CMC1: variants seen among roughly 807,000 people sequenced by gnomAD.
CMC1 encodes the protein COX assembly mitochondrial protein homolog.
A neutral mutation model predicts 14.1 loss-of-function variants in CMC1; 14 were observed. The ratio of observed to expected loss-of-function variants is 0.99; its 90% CI spans 0.66 to 1.55. The LOEUF (loss-of-function observed/expected upper bound fraction) is 1.55. Ranked by LOEUF, CMC1 falls within the 40% of genes most tolerant of loss-of-function variation. The pLI is 0.00. For synonymous variants in CMC1, 50 were observed against 38.4 expected, an observed-to-expected ratio of 1.30 and a Z score of -1.12; for missense variants, 127 against 123.8, an observed-to-expected ratio of 1.03 and a Z score of -0.12.
intron 2 of CMC1, among the ~76,000 whole-genome samples, chr3:28,295,293 T>G (rs1287484677): frequency 1.3e-5 from 2 of 152,166 alleles, no homozygotes; most frequent in African/African-American, 4.8e-5. Context: ...ACCTTACCCA[T>G]GTTGTGTTTA....
intron 2 of CMC1, among the ~76,000 whole-genome samples, chr3:28,265,754 G>T (rs929977863): frequency 3.9e-5 from 6 of 152,136 alleles, no homozygotes; most frequent in African/African-American, 1.4e-4. Context: ...AAAGAAAGAT[G>T]CCTCATTATA....
intron 1 of CMC1, among the ~76,000 whole-genome samples, chr3:28,260,100 A>G (rs1034258056): frequency 3.3e-5 from 5 of 152,112 alleles, no homozygotes; most frequent in East Asian, 3.9e-4. Flanking sequence ...GACTGTTAAT[A>G]TATCTCATGG....
chr3:28,286,605 A>G (rs944577543), intron 2 of CMC1, among the ~76,000 whole-genome samples: 13 of 152,218 alleles, frequency 8.5e-5, no homozygotes, highest in African/African-American at 2.7e-4. Context: ...GATTGCTGTT[A>G]AAGAATGTAT....
chr3:28,260,943 G>A (rs962524136), intron 1 of CMC1, among the ~76,000 whole-genome samples: 2 of 152,126 alleles, frequency 1.3e-5, no homozygotes, highest in Non-Finnish European at 2.9e-5. Flanking sequence ...ATTGGTGTCA[G>A]GGAACATAGT....
intron 1 of CMC1, among the ~76,000 whole-genome samples, chr3:28,245,947 A>T (rs540117514): frequency 4.6e-5 from 7 of 152,136 alleles, no homozygotes; most frequent in South Asian, 4.1e-4. Context: ...GATTAGAAAA[A>T]TTTTTTATTT....
Position 28,241,793 on chromosome 3 carries a change from G to C in CMC1, c.-1G>C. The C allele has an allele frequency of 8.1e-7, 1 of 1,240,726 alleles. No individual in the cohort carries two copies. The highest frequency in any genetic ancestry group is 4.1e-5 in the South Asian group (1 of 24,418). The allele number at this position is 1,240,726 out of a possible 1,614,324, so 76.9% of individuals were successfully genotyped here. Reference sequence around the variant, plus strand: ...GGCTACGTTCTTCTCGGCCCGCCGAGATGGCGCTCGACCCCGCAGGTACCG... The same window carrying C: ...GGCTACGTTCTTCTCGGCCCGCCGACATGGCGCTCGACCCCGCAGGTACCG... On this transcript the variant is annotated 5_prime_UTR_variant, in exon 1 of 4. Coordinates refer to ENST00000466830, the MANE Select transcript of CMC1 (RefSeq NM_182523.2).
intron 2 of CMC1, among the ~76,000 whole-genome samples, chr3:28,291,649 C>G (rs1471669859): frequency 1.3e-5 from 2 of 152,002 alleles, no homozygotes; most frequent in African/African-American, 4.8e-5. Context: ...TGCAGAGTTG[C>G]CTTGCTGTTT....
At chr3:28,269,875 T>A (rs1430202445) in intron 2 of CMC1, among the ~76,000 whole-genome samples, 1 of 152,218 alleles carries the variant, frequency 6.6e-6, no homozygotes, top group Non-Finnish European at 1.5e-5. Flanking sequence ...AATCCATACC[T>A]AAGTATTAAG....
At chr3:28,312,359 A>C (rs1702679629) in intron 2 of CMC1, among the ~76,000 whole-genome samples, 1 of 152,180 alleles carries the variant, frequency 6.6e-6, no homozygotes, top group African/African-American at 2.4e-5. Flanking sequence ...GAAATGAAAT[A>C]ATGGGGATTA....
chr3:28,319,252 C>T (rs1223131254), intron 3 of CMC1: 1 of 520,054 alleles, frequency 1.9e-6, no homozygotes, highest in East Asian at 4.9e-5. Flanking sequence ...TTTACTTGTC[C>T]TTTACACCGT....
rs557347317 is a variant in CMC1 at position 28,311,465 on chromosome 3, G to A, written c.110-4868G>A. Reference sequence around the variant, plus strand: ...TGCTGTTGGTTATACAGAATAATGTGCTGTGTGTCCCTGTGGCCTTGATTT... The same window carrying A: ...TGCTGTTGGTTATACAGAATAATGTACTGTGTGTCCCTGTGGCCTTGATTT... On this transcript the variant is annotated intron_variant, in intron 2 of 3. Transcript: ENST00000466830. Among the ~76,000 whole-genome samples the A allele has an allele frequency of 5.9e-5, 9 of 152,304 alleles. No individual in the cohort carries two copies. In the South Asian group the frequency reaches 1.0e-3, roughly 18 times the overall value.
chr3:28,310,361 A>G (rs1189276955), intron 2 of CMC1, among the ~76,000 whole-genome samples: 2 of 152,222 alleles, frequency 1.3e-5, no homozygotes, highest in Non-Finnish European at 2.9e-5. Context: ...CACAGTAAGT[A>G]CTTTGAAAAT....
intron 1 of CMC1, among the ~76,000 whole-genome samples, chr3:28,250,638 C>T (rs770905340): frequency 3.9e-5 from 6 of 152,096 alleles, no homozygotes; most frequent in Non-Finnish European, 5.9e-5. Flanking sequence ...AACATAACCA[C>T]TAGGTTGGCA....
At chr3:28,310,226 A>G (rs1036311988) in intron 2 of CMC1, among the ~76,000 whole-genome samples, 2 of 152,310 alleles carry the variant, frequency 1.3e-5, no homozygotes, top group South Asian at 4.1e-4. Context: ...CAGAGCAGGT[A>G]TCAACTCAAC....
At chr3:28,255,501 C>T (rs1672781304) in intron 1 of CMC1, among the ~76,000 whole-genome samples, 1 of 151,980 alleles carries the variant, frequency 6.6e-6, no homozygotes, top group Non-Finnish European at 1.5e-5. Flanking sequence ...CTGCTTCAGC[C>T]TCCCAAAGTG....
At chr3:28,319,454 C>T in intron 3 of CMC1, 55 bp from the exon 4 acceptor site, 1 of 1,457,662 alleles carries the variant, frequency 6.9e-7, no homozygotes, top group South Asian at 1.2e-5. Context: ...AGTAAGCTTA[C>T]ATTTAACACA....
At position 28,323,104 on chromosome 3, in the gene CMC1, TTCTC is replaced by T. The variant is rs1000563047; in HGVS notation, c.*3476_*3479del. On this transcript the variant is annotated 3_prime_UTR_variant, in exon 4 of 4. Transcript: ENST00000466830. ...TTAAAAATAATAATTTTAAATCACT[TTCTC>T]AATAAATAGAATATTACATTTCAAC... 4 of 151,182 alleles carry T rather than the reference TTCTC, an allele frequency of 2.6e-5. No homozygotes were observed. The highest frequency in any genetic ancestry group is 9.7e-5 in the African/African-American group (4 of 41,328). The allele number at this position is 151,182 out of a possible 1,614,324, so 9.4% of individuals were successfully genotyped here. A position where few individuals can be genotyped will look rare whatever the true frequency, so the allele number is the denominator to read the frequency against.
At position 28,320,531 on chromosome 3, in the gene CMC1, A is replaced by G. The variant is rs1703153295; in HGVS notation, c.*902A>G. The stretch of plus-strand genomic sequence containing the variant: ...AAGGCTCCATTTCTTAGTCCTGTTA[A>G]ATTAGCAACTAAGTTTCCAACACAT... On this transcript the variant is annotated 3_prime_UTR_variant, in exon 4 of 4. Transcript: ENST00000466830. The G allele has an allele frequency of 1.3e-5, 2 of 151,476 alleles. No individual in the cohort carries two copies. Among genetic ancestry groups the G allele is most frequent in the Admixed American group, 6.6e-5 (1 of 15,136 alleles). 9.4% of individuals were successfully genotyped at this position (151,476 alleles called of 1,614,324 possible).
intron 1 of CMC1, among the ~76,000 whole-genome samples, chr3:28,250,007 T>G (rs1699050924): frequency 6.6e-6 from 1 of 152,146 alleles, no homozygotes; most frequent in Non-Finnish European, 1.5e-5. Flanking sequence ...GAGAGCCCTC[T>G]GCTTCTTATG....
Sources: allele counts gnomAD v4.1 joint callset (sites outside exome capture counted in the v4.1 genomes callset), GRCh38; gene constraint gnomAD v4.1.1; transcripts MANE v1.5; gene names NCBI Gene and HGNC (gene_info 2026-07-23, HGNC 2026-07-21).